The following ADAMTS2 variants were observed in gnomAD, a reference collection of about 807,000 sequenced individuals.
ADAMTS2 encodes the protein A disintegrin and metalloproteinase with thrombospondin motifs 2.
ADAMTS2 carries 50 observed loss-of-function variants against 123.0 expected under a neutral mutation model. The ratio of observed to expected loss-of-function variants is 0.41; its 90% confidence interval spans 0.32 to 0.51. ADAMTS2 has a LOEUF of 0.51. Among genes scored for constraint, ADAMTS2 ranks in the 20% least tolerant of loss-of-function variants. ADAMTS2 has a pLI of 0.35. For synonymous variants in ADAMTS2, 678 were observed against 695.4 expected (o/e 0.98, Z 0.39); for missense variants, 1,494 against 1,705.2 (o/e 0.88, Z 2.18).
intron 4 of ADAMTS2, 41 bp downstream of exon 4, chr5:179,207,472 C>CCCGA: frequency 1.6e-5 from 15 of 925,666 alleles, no homozygotes; most frequent in Non-Finnish European, 2.6e-5. Context: ...CCCTGGTTGA[C>CCCGA]CCTCCCCGCC....
chr5:179,224,410 G>A (rs976241878), intron 3 of ADAMTS2, among the ~76,000 whole-genome samples: 9 of 152,218 alleles, frequency 5.9e-5, no homozygotes, highest in Admixed American at 1.3e-4. Flanking sequence ...CGTGTTTCCC[G>A]ATGCCCCATC....
Position 179,158,966 on chromosome 5 carries a change from C to G in ADAMTS2, c.976-87G>C, listed in dbSNP as rs3733916. 48 of 1,509,986 alleles carry G rather than the reference C, an allele frequency of 3.2e-5. No homozygotes were observed. The African/African-American group carries it at 5.9e-4, about 19-fold the overall frequency. The allele number at this position is 1,509,986 out of a possible 1,614,324, so 93.5% of individuals were successfully genotyped here. On this transcript the variant is annotated intron_variant, in intron 5 of 21. Transcript: ENST00000251582. This position sits in a 1 kb window ranked among gnomAD's most constrained non-coding sequence, Gnocchi z 5.0. ...CGAGCAGGCTGTAGTGTTGACAGAC[C>G]CCATCCACTGGGAATCTGTTCCAGG...
At chr5:179,223,542 A>ACACTCG (rs1296210270) in intron 3 of ADAMTS2, among the ~76,000 whole-genome samples, 1 of 138,034 alleles carries the variant, frequency 7.2e-6, no homozygotes, top group East Asian at 2.6e-4. Context: ...ACTCACACTC[A>ACACTCG]CACGAATGCA....
At chr5:179,226,267 T>C (rs1398720005) in intron 3 of ADAMTS2, among the ~76,000 whole-genome samples, 1 of 142,874 alleles carries the variant, frequency 7.0e-6, no homozygotes, top group Non-Finnish European at 1.5e-5. Flanking sequence ...CTTTCTTCTT[T>C]CCTTCTTTCT....
chr5:179,263,926 G>C (rs1463725375), intron 3 of ADAMTS2, among the ~76,000 whole-genome samples: 1 of 152,236 alleles, frequency 6.6e-6, no homozygotes, highest in Non-Finnish European at 1.5e-5. Context: ...AATTTTTATA[G>C]AAAATATTTC....
intron 2 of ADAMTS2, among the ~76,000 whole-genome samples, chr5:179,325,801 G>T (rs1757297647): frequency 6.6e-6 from 1 of 152,272 alleles, no homozygotes; most frequent in Non-Finnish European, 1.5e-5. Flanking sequence ...AGCCGCTTCT[G>T]CCCCGGTTTT....
chr5:179,222,277 T>C (rs1454775236), intron 3 of ADAMTS2, among the ~76,000 whole-genome samples: 4 of 151,288 alleles, frequency 2.6e-5, no homozygotes, highest in East Asian at 3.9e-4. Context: ...GACCACGGTG[T>C]TGACGAGGCT....
At chr5:179,154,330 C>G in intron 7 of ADAMTS2, 138 bp from the exon 8 acceptor site, 1 of 1,243,072 alleles carries the variant, frequency 8.0e-7, no homozygotes, top group Non-Finnish European at 1.1e-6. Flanking sequence ...CGGGTGGCAC[C>G]GACCATCTAC....
intron 2 of ADAMTS2, among the ~76,000 whole-genome samples, chr5:179,336,096 A>G (rs411010): frequency 0.59 from 90,443 of 152,034 alleles, 27,196 homozygotes; most frequent in South Asian, 0.8. Flanking sequence ...GAGCTGGTGA[A>G]GGCTGGTCCC....
In ADAMTS2 at chr5:179,215,852, T is replaced by G. The variant is rs1243296342; in HGVS notation, c.689-8137A>C. On this transcript the variant is annotated intron_variant, in intron 3 of 21. Transcript: ENST00000251582. Reference sequence around the variant, plus strand: ...TGACTCAGAGTTCTCAAAAGCAGCATTCGATGCAGGAAAACAGTGGAGGAA... The same window carrying G: ...TGACTCAGAGTTCTCAAAAGCAGCAGTCGATGCAGGAAAACAGTGGAGGAA... Among the ~76,000 whole-genome samples, 12 of 152,258 alleles carry G rather than the reference T, an allele frequency of 7.9e-5. No homozygotes were observed. In the South Asian group the frequency reaches 2.5e-3, roughly 32 times the overall value.
In ADAMTS2 at chr5:179,189,892, C is replaced by T. The variant is rs1053362021; in HGVS notation, c.892-8737G>A. 3.1e-4 allele frequency among the ~76,000 whole-genome samples: 46 copies of T among 149,016 alleles called. No individual in the cohort carries two copies. The highest frequency in any genetic ancestry group is 5.5e-4 in the Non-Finnish European group (37 of 67,530). On this transcript the variant is annotated intron_variant, in intron 4 of 21. Coordinates refer to ENST00000251582, the MANE Select transcript of ADAMTS2 (RefSeq NM_014244.5). The surrounding 1 kb of genome is among the most constrained non-coding windows in gnomAD (Gnocchi z 4.2). ...ATCATACAAAGTAGATTCACAAGGG[C>T]GGGTCCGGCGGGGGCGGGTGGCAAT... is the stretch of plus-strand genomic sequence containing the variant.
At chr5:179,330,469 C>A (rs896450429) in intron 2 of ADAMTS2, among the ~76,000 whole-genome samples, 2 of 152,258 alleles carry the variant, frequency 1.3e-5, no homozygotes, top group Non-Finnish European at 2.9e-5. Context: ...AGCCTCCCTG[C>A]AACTGCCCCG....
intron 2 of ADAMTS2, among the ~76,000 whole-genome samples, chr5:179,282,093 T>C (rs1766928836): frequency 6.6e-6 from 1 of 152,266 alleles, no homozygotes; most frequent in Non-Finnish European, 1.5e-5. Flanking sequence ...TTCTGTGGGC[T>C]GTCTTTTCAA....
chr5:179,251,116 G>T (rs1306481011), intron 3 of ADAMTS2, among the ~76,000 whole-genome samples: 1 of 152,172 alleles, frequency 6.6e-6, no homozygotes, highest in Non-Finnish European at 1.5e-5. Flanking sequence ...GGCGGGCCTG[G>T]GTTCAAATCC....
In ADAMTS2 at chr5:179,155,625, C is replaced by T. The variant is rs1004456360; in HGVS notation, c.1133-706G>A. 2.6e-5 allele frequency among the ~76,000 whole-genome samples: 4 copies of T among 152,210 alleles called. No homozygotes were observed. Among genetic ancestry groups the T allele is most frequent in the South Asian group, 2.1e-4 (1 of 4,832 alleles). On this transcript the variant is annotated intron_variant, in intron 6 of 21. Transcript: ENST00000251582. The surrounding 1 kb of genome is among the most constrained non-coding windows in gnomAD (Gnocchi z 5.1). ...GGGGGAGGGTGGCAGAAGTTCATGA[C>T]GCAGAGACCCCACGTCAAACTGAGG...
chr5:179,345,347 G>C lies in ADAMTS2; in HGVS notation c.-19C>G. 4 of 1,128,698 alleles carry C rather than the reference G, an allele frequency of 3.5e-6. No individual in the cohort carries two copies. Among genetic ancestry groups the C allele is most frequent in the African/African-American group, 1.6e-5 (1 of 60,660 alleles). The allele number at this position is 1,128,698 out of a possible 1,614,324, so 69.9% of individuals were successfully genotyped here. ...GATCCATGGCAGCCGGACTGCAGCC[G>C]GGGCCCCGCACTCGCAGCCGGCGCG... On this transcript the variant is annotated 5_prime_UTR_variant, in exon 1 of 22. Transcript: ENST00000251582. This position sits in a 1 kb window ranked among gnomAD's most constrained non-coding sequence, Gnocchi z 7.5.
intron 2 of ADAMTS2, among the ~76,000 whole-genome samples, chr5:179,299,922 G>T (rs76468864): frequency 6.6e-6 from 1 of 151,152 alleles, no homozygotes; most frequent in Admixed American, 6.6e-5. Flanking sequence ...GTGAAACCCC[G>T]TCTCTACTAA....
At chr5:179,187,358 C>T (rs978466537) in intron 4 of ADAMTS2, among the ~76,000 whole-genome samples, 4 of 152,246 alleles carry the variant, frequency 2.6e-5, no homozygotes, top group Admixed American at 6.5e-5. Context: ...TGTGCTCCAG[C>T]GGCTAGCCCG....
At chr5:179,177,320 C>T (rs999248087) in intron 5 of ADAMTS2, among the ~76,000 whole-genome samples, 1 of 152,098 alleles carries the variant, frequency 6.6e-6, no homozygotes, top group African/African-American at 2.4e-5. Context: ...ACTCTTAATG[C>T]CTTGGGATTT....
Sources: gnomAD v4.1 joint callset for allele counts (sites outside exome capture counted in the v4.1 genomes callset) on GRCh38, gnomAD v4.1.1 for gene constraint, Gnocchi (gnomAD v3.1) non-coding constraint, MANE v1.5 for transcripts, NCBI Gene and HGNC (gene_info 2026-07-23, HGNC 2026-07-21) for gene names.